Variants in MTMR10 observed in about 807,000 individuals in gnomAD.
MTMR10 encodes the protein myotubularin related protein 10.
Under a neutral mutation model 88.1 loss-of-function variants are expected in MTMR10, and 56 were observed. That is an observed-to-expected ratio of 0.64 (90% CI 0.51 to 0.79). MTMR10 has a LOEUF of 0.79. MTMR10 is among the 30% of genes least tolerant of loss of function. The pLI, the probability that MTMR10 is intolerant of heterozygous loss-of-function variation, is 0.00. For missense variants in MTMR10, 883 were observed against 924.7 expected, an observed-to-expected ratio of 0.95 and a Z score of 0.58; for synonymous variants, 380 against 340.9, an observed-to-expected ratio of 1.11 and a Z score of -1.26.
chr15:30,938,234 T>C (rs1284977552), downstream of MTMR10, among the ~76,000 whole-genome samples: 1 of 152,158 alleles, frequency 6.6e-6, no homozygotes, highest in Non-Finnish European at 1.5e-5. Context: ...CTTCAAGTAA[T>C]TAATTATATG....
rs149466742 is a variant in MTMR10 at position 30,976,581 on chromosome 15, T to C, written c.258+238A>G. Among the ~76,000 whole-genome samples the C allele has an allele frequency of 2.7e-3, 407 of 152,356 alleles. 1 individual carries two copies. Among genetic ancestry groups the C allele is most frequent in the African/African-American group, 9.3e-3 (386 of 41,588 alleles). On this transcript the variant is annotated intron_variant, in intron 3 of 15. Coordinates refer to ENST00000435680, the MANE Select transcript of MTMR10 (RefSeq NM_017762.3). Reference sequence around the variant, plus strand: ...CTTCCTTAATGAAAAGGACATATAATGAACGATCACAGAGGATAAATAAAG... The same window carrying C: ...CTTCCTTAATGAAAAGGACATATAACGAACGATCACAGAGGATAAATAAAG...
downstream of MTMR10, among the ~76,000 whole-genome samples, chr15:30,938,212 A>T (rs975477303): frequency 6.6e-6 from 1 of 152,114 alleles, no homozygotes; most frequent in African/African-American, 2.4e-5. Flanking sequence ...AAACTAGCAT[A>T]ACCAGTGTTT....
the MTMR10 span, among the ~76,000 whole-genome samples, chr15:30,919,868 A>C: frequency 6.6e-6 from 1 of 152,208 alleles, no homozygotes. Context: ...GAAGCAGAAG[A>C]AAATCCACAT....
chr15:30,968,534 A>AC (rs145306039), intron 5 of MTMR10, among the ~76,000 whole-genome samples: 2 of 143,074 alleles, frequency 1.4e-5, no homozygotes, highest in Non-Finnish European at 1.5e-5. Flanking sequence ...TCAAAAAAAC[A>AC]ACACACACAC....
the MTMR10 span, among the ~76,000 whole-genome samples, chr15:30,919,122 T>G: frequency 1.3e-5 from 2 of 152,238 alleles, no homozygotes; most frequent in African/African-American, 4.8e-5. Flanking sequence ...GGCTCACGCC[T>G]GTAATCCCGG....
At chr15:30,919,444 AC>A in the MTMR10 span, among the ~76,000 whole-genome samples, 1 of 151,372 alleles carries the variant, frequency 6.6e-6, no homozygotes, top group African/African-American at 2.4e-5. Context: ...TAATCCCAGC[AC>A]TTTGGGAGGC....
At chr15:30,927,361 G>A in the MTMR10 span, 1 of 985,526 alleles carries the variant, frequency 1.0e-6, no homozygotes, top group Admixed American at 6.1e-5. Context: ...AGGAAGAAAA[G>A]TCCTCCTGGA....
chr15:30,968,090 G>T, intron 5 of MTMR10, 80 bp from the exon 6 acceptor site: 1 of 998,308 alleles, frequency 1.0e-6, no homozygotes, highest in South Asian at 1.5e-5. Context: ...TGGGCACTGG[G>T]AGCATCATCT....
chr15:30,951,839 T>G (rs1168156028), intron 12 of MTMR10, 129 bp downstream of exon 12: 2 of 756,480 alleles, frequency 2.6e-6, no homozygotes, highest in Non-Finnish European at 4.4e-6. Flanking sequence ...AAATCTGTAA[T>G]GTATTTGATG....
At chr15:30,929,105 G>T in the MTMR10 span, 23 of 985,714 alleles carry the variant, frequency 2.3e-5, no homozygotes, top group Non-Finnish European at 3.2e-5. Context: ...GAATGTATCG[G>T]TTGGCCGGTT....
chr15:30,925,255 G>A, the MTMR10 span: 1 of 1,614,160 alleles, frequency 6.2e-7, no homozygotes, highest in South Asian at 1.1e-5. Context: ...ACCTCTTCCA[G>A]CAGCTCCCAG....
At chr15:30,974,575 G>T in intron 4 of MTMR10, 119 bp from the exon 5 acceptor site, 1 of 977,660 alleles carries the variant, frequency 1.0e-6, no homozygotes, top group Non-Finnish European at 1.4e-6. Flanking sequence ...AGCTCTGCTT[G>T]TCTAGAATGT....
chr15:30,980,163 A>G (rs1422984383), intron 2 of MTMR10, among the ~76,000 whole-genome samples: 1 of 152,222 alleles, frequency 6.6e-6, no homozygotes, highest in Non-Finnish European at 1.5e-5. Context: ...AAGCACCTGA[A>G]AAGCAGGTGT....
the MTMR10 span, chr15:30,925,814 C>T: frequency 6.2e-7 from 1 of 1,614,192 alleles, no homozygotes; most frequent in Non-Finnish European, 8.5e-7. Context: ...AGGCTGTGCC[C>T]ACAGCGTGGG....
chr15:30,962,784 T>G (rs2063419867), intron 6 of MTMR10, among the ~76,000 whole-genome samples: 1 of 152,180 alleles, frequency 6.6e-6, no homozygotes, highest in African/African-American at 2.4e-5. Context: ...GATGTCTGAG[T>G]GCAATGAAGA....
At chr15:30,924,970 A>G in the MTMR10 span, 2 of 711,234 alleles carry the variant, frequency 2.8e-6, no homozygotes, top group Non-Finnish European at 4.5e-6. Flanking sequence ...TCAGAATAAG[A>G]TCTAAGGAAA....
chr15:30,967,517 T>C (rs955665937), intron 6 of MTMR10, among the ~76,000 whole-genome samples: 4 of 152,208 alleles, frequency 2.6e-5, no homozygotes, highest in Non-Finnish European at 4.4e-5. Context: ...ACTTTAGCTT[T>C]TGCATGAAAT....
rs755261811 is a variant in MTMR10, at chr15:30,991,541, G to A, written c.-35C>T. ...GCCTTTTCGCCCCGTTCCCGTCGCG[G>A]GCCAGTGGCAGCGCCGACGCCTCCG... On this transcript the variant is annotated 5_prime_UTR_variant, in exon 1 of 16. Transcript: ENST00000435680. The A allele has an allele frequency of 3.9e-6, 6 of 1,533,342 alleles. No homozygotes were observed. The highest frequency in any genetic ancestry group is 2.9e-5 in the African/African-American group (2 of 68,968). 95.0% of individuals were successfully genotyped at this position (1,533,342 alleles called of 1,614,324 possible).
the MTMR10 span, chr15:30,928,273 A>G: frequency 1.2e-5 from 15 of 1,209,660 alleles, no homozygotes; most frequent in African/African-American, 1.6e-5. Context: ...GTTATTCACT[A>G]AAGTTTGAGA....
Sources: allele counts gnomAD v4.1 joint callset (sites outside exome capture counted in the v4.1 genomes callset), GRCh38; gene constraint gnomAD v4.1.1; transcripts MANE v1.5; gene names NCBI Gene and HGNC (gene_info 2026-07-23, HGNC 2026-07-21).